HMCN2: variants seen among roughly 807,000 people sequenced by gnomAD.
HMCN2 encodes hemicentin-2.
A neutral mutation model predicts 377.5 loss-of-function variants in HMCN2; 325 were observed. The ratio of observed to expected loss-of-function variants is 0.86; its 90% CI spans 0.79 to 0.94. The LOEUF (loss-of-function observed/expected upper bound fraction) is 0.94. Among genes scored for constraint, HMCN2 ranks in the 40% least tolerant of loss-of-function variants. HMCN2 has a pLI of 0.00. For synonymous variants in HMCN2, 2,007 were observed against 2,046.8 expected, an observed-to-expected ratio of 0.98 and a Z score of 0.53; for missense variants, 4,543 against 4,725.3, an observed-to-expected ratio of 0.96 and a Z score of 1.13.
intron 8 of HMCN2, among the ~76,000 whole-genome samples, chr9:130,300,014 C>A (rs1554933816): frequency 6.6e-6 from 1 of 151,368 alleles, no homozygotes; most frequent in Admixed American, 6.6e-5. Flanking sequence ...CATCCACTTA[C>A]CCATTCATGC....
At chr9:130,371,446 A>G (rs1037629184) in intron 46 of HMCN2, among the ~76,000 whole-genome samples, 51 of 151,928 alleles carry the variant, frequency 3.4e-4, no homozygotes, top group Non-Finnish European at 6.2e-4. Context: ...GCACTTATAT[A>G]TAACATCCCA....
chr9:130,418,482 G>T (rs1039640415), intron 85 of HMCN2, among the ~76,000 whole-genome samples: 2 of 152,180 alleles, frequency 1.3e-5, no homozygotes, highest in Admixed American at 6.5e-5. Flanking sequence ...AGGAGGCAGA[G>T]ATTGCAGTGA....
intron 4 of HMCN2, among the ~76,000 whole-genome samples, chr9:130,293,201 C>A (rs1210366008): frequency 6.8e-6 from 1 of 147,450 alleles, no homozygotes; most frequent in East Asian, 2.0e-4. Context: ...TACTTATTTG[C>A]TTTATCCAAC....
chr9:130,316,643 G>C (rs1042886505), intron 15 of HMCN2, among the ~76,000 whole-genome samples: 4 of 152,198 alleles, frequency 2.6e-5, no homozygotes, highest in African/African-American at 9.7e-5. Flanking sequence ...AACATCACCT[G>C]TCTCTGGATG....
Position 130,379,398 on chromosome 9 carries a change from C to A in HMCN2, c.8362C>A (p.Pro2788Thr). 1.0e-6 allele frequency: 1 copy of A among 985,080 alleles called. No individual in the cohort carries two copies. The highest frequency in any genetic ancestry group is 1.2e-6 in the Non-Finnish European group (1 of 829,538). The allele number at this position is 985,080 out of a possible 1,614,324, so 61.0% of individuals were successfully genotyped here. The change falls in exon 54 of 98, where the codon CCC (proline) becomes ACC (threonine). Residue 2788 changes from proline (P) to threonine (T), a missense_variant. Physicochemically the swap from Pro to Thr is conservative, Grantham distance 38. This residue lies in a region of HMCN2 where 736 missense variants were observed against 773.2 expected (regional missense o/e 0.95). Transcript: ENST00000683500. ...GTACTGCGACACCAACGCGATCCCA[C>A]CCCCGGACCTCACCTGGTACAGAGA... ...YLYCDTNAIP[P>T]PDLTWYREDQ...
chr9:130,331,734 T>G (rs1838439309), intron 22 of HMCN2, among the ~76,000 whole-genome samples: 1 of 152,192 alleles, frequency 6.6e-6, no homozygotes, highest in African/African-American at 2.4e-5. Flanking sequence ...GGCGAGGCAG[T>G]GTTTCCAGGC....
intron 62 of HMCN2, among the ~76,000 whole-genome samples, chr9:130,390,427 C>T (rs948780117): frequency 6.6e-6 from 1 of 152,142 alleles, no homozygotes; most frequent in Non-Finnish European, 1.5e-5. Flanking sequence ...GGCAGTTGCT[C>T]GTGTCTTTGT....
At position 130,288,518 on chromosome 9, in the gene HMCN2, C is replaced by T. The variant is rs956681442; in HGVS notation, c.612+2208C>T. On this transcript the variant is annotated intron_variant, in intron 4 of 97. Coordinates refer to ENST00000683500, the MANE Select transcript of HMCN2 (RefSeq NM_001291815.2). ...CGGTCACCCTCCCAGGAGAGATGAA[C>T]GGTGCCTTCACCCTAGCCAAGGGGC... Among the ~76,000 whole-genome samples the T allele has an allele frequency of 3.9e-5, 6 of 152,334 alleles. No homozygotes were observed. The South Asian group carries it at 8.3e-4, about 21-fold the overall frequency.
Position 130,430,282 on chromosome 9 carries a change from AG to A in HMCN2, c.14327-1del. 2 of 1,534,996 alleles carry A rather than the reference AG, an allele frequency of 1.3e-6. No homozygotes were observed. The highest frequency in any genetic ancestry group is 1.7e-6 in the Non-Finnish European group (2 of 1,144,034). ...CACACACCTGACCCCACCCGTCTGC[AG>A]ATGTCAATGAGTGCCTGCAGCTGCC... On this transcript the variant is annotated splice_acceptor_variant, in intron 94 of 97. Transcript: ENST00000683500. LOFTEE classifies it high-confidence loss of function.
In HMCN2 at chr9:130,427,356, C is replaced by G. The variant is rs1187041400; in HGVS notation, c.13923C>G (p.Ser4641=). The G allele has an allele frequency of 6.4e-7, 1 of 1,550,448 alleles. No individual in the cohort carries two copies. Among genetic ancestry groups the G allele is most frequent in the Non-Finnish European group, 8.7e-7 (1 of 1,147,000 alleles). ...GCCCCGAGGGCTTTGAGCTGGACTC[C>G]CAGGGAGCGTTTTGTGTGGGTGAGC... The part of the protein sequence containing the change: ...VGCPEGFELD[S]QGAFCVDRDE... Residue 4641 remains serine, a synonymous_variant, in exon 91 of 98, where the codon TCC becomes TCG. Coordinates refer to ENST00000683500, the MANE Select transcript of HMCN2 (RefSeq NM_001291815.2).
At chr9:130,274,210 G>A (rs1385770201) in intron 1 of HMCN2, among the ~76,000 whole-genome samples, 1 of 151,998 alleles carries the variant, frequency 6.6e-6, no homozygotes, top group Non-Finnish European at 1.5e-5. Flanking sequence ...GCACCACCAT[G>A]CCCAGCTAAT....
chr9:130,427,848 G>A (rs117541879), intron 92 of HMCN2, among the ~76,000 whole-genome samples: 3,262 of 152,308 alleles, frequency 0.021, 47 homozygotes, highest in South Asian at 0.049. Flanking sequence ...GGGGTGATGG[G>A]CAGCCCCAGA....
chr9:130,431,535 G>A (rs766056835), intron 96 of HMCN2, 49 bp downstream of exon 96: 135 of 1,534,576 alleles, frequency 8.8e-5, no homozygotes, highest in Middle Eastern at 8.4e-4. Context: ...GCTAGGGCAG[G>A]CAGCGTGGGA....
intron 83 of HMCN2, among the ~76,000 whole-genome samples, chr9:130,408,165 G>T (rs1381297724): frequency 6.6e-6 from 1 of 152,274 alleles, no homozygotes; most frequent in Non-Finnish European, 1.5e-5. Context: ...ACAACCTCAG[G>T]ATGGGTGGGG....
rs1464678229 is a variant in HMCN2 at position 130,385,550 on chromosome 9, C to T, written c.9107-10C>T. 7.7e-7 allele frequency: 1 copy of T among 1,303,250 alleles called. No individual in the cohort carries two copies. Among genetic ancestry groups the T allele is most frequent in the African/African-American group, 1.5e-5 (1 of 65,850 alleles). 80.7% of individuals were successfully genotyped at this position (1,303,250 alleles called of 1,614,324 possible). A position where few individuals can be genotyped will look rare whatever the true frequency, so the allele number is the denominator to read the frequency against. On this transcript the variant is annotated splice_polypyrimidine_tract_variant and intron_variant, in intron 59 of 97. Coordinates refer to ENST00000683500, the MANE Select transcript of HMCN2 (RefSeq NM_001291815.2). ...CTGCAGCACCTCACTCTGCTATCTC[C>T]TGCCCCCAGTTCCCCCGGCCTTCAG...
At chr9:130,309,885 C>T in intron 14 of HMCN2, 27 bp from the exon 15 acceptor site, 1 of 459,302 alleles carries the variant, frequency 2.2e-6, no homozygotes, top group Non-Finnish European at 4.5e-6. Context: ...GGGACACCGG[C>T]CTGATGCTTC....
chr9:130,396,331 T>A lies in HMCN2; in HGVS notation c.11198+18T>A. 7.9e-7 allele frequency: 1 copy of A among 1,260,426 alleles called. No individual in the cohort carries two copies. The highest frequency in any genetic ancestry group is 1.3e-5 in the South Asian group (1 of 79,848). The allele number at this position is 1,260,426 out of a possible 1,614,324, so 78.1% of individuals were successfully genotyped here. A position where few individuals can be genotyped will look rare whatever the true frequency, so the allele number is the denominator to read the frequency against. On this transcript the variant is annotated intron_variant, in intron 73 of 97. Transcript: ENST00000683500. ...AGCCCCAGGTGGGAGAGGGAAGGGGTGGGCCTCAGGGAGGCTCTCAGGTGC... is the reference window on the plus strand; with the variant it reads ...AGCCCCAGGTGGGAGAGGGAAGGGGAGGGCCTCAGGGAGGCTCTCAGGTGC...
chr9:130,369,467 A>G lies in HMCN2; in HGVS notation c.6788-103A>G. 1.6e-6 allele frequency: 1 copy of G among 625,600 alleles called. No individual in the cohort carries two copies. The allele number at this position is 625,600 out of a possible 1,614,324, so 38.8% of individuals were successfully genotyped here. A position where few individuals can be genotyped will look rare whatever the true frequency, so the allele number is the denominator to read the frequency against. On this transcript the variant is annotated intron_variant, in intron 44 of 97. Coordinates refer to ENST00000683500, the MANE Select transcript of HMCN2 (RefSeq NM_001291815.2). This position sits in a 1 kb window ranked among gnomAD's most constrained non-coding sequence, Gnocchi z 4.5. The stretch of plus-strand genomic sequence containing the variant: ...AGGTCACGAGGTCACACAGCCAGCG[A>G]TGGCAAGGGGAGAGGGTGTGTCCCT...
intron 22 of HMCN2, among the ~76,000 whole-genome samples, chr9:130,330,968 A>ACAC (rs1838393883): frequency 1.5e-5 from 2 of 131,426 alleles, no homozygotes; most frequent in Non-Finnish European, 1.6e-5. Flanking sequence ...TCTCTACTGA[A>ACAC]ACACACACAC....
Sources: allele counts gnomAD v4.1 joint callset (sites outside exome capture counted in the v4.1 genomes callset), GRCh38; gene constraint gnomAD v4.1.1; regional missense constraint gnomAD v4.1.1; non-coding constraint Gnocchi (gnomAD v3.1); transcripts MANE v1.5; gene names NCBI Gene and HGNC (gene_info 2026-07-23, HGNC 2026-07-21).